Variants in NEGR1 observed in about 807,000 individuals in gnomAD.
The protein encoded by NEGR1 is IgLON family member 4.
NEGR1 carries 10 observed loss-of-function variants against 40.9 expected under a neutral mutation model. The ratio of observed to expected loss-of-function variants is 0.24; its 90% CI spans 0.15 to 0.42. The LOEUF (loss-of-function observed/expected upper bound fraction) is 0.42, where lower values mean the gene tolerates loss of function less well. Among genes scored for constraint, NEGR1 ranks in the 10% least tolerant of loss-of-function variants. The pLI, the probability that NEGR1 is intolerant of heterozygous loss-of-function variation, is 1.00. For missense variants in NEGR1, 352 were observed against 438.9 expected, an observed-to-expected ratio of 0.80 and a Z score of 1.77; for synonymous variants, 185 against 166.8, an observed-to-expected ratio of 1.11 and a Z score of -0.84.
intron 6 of NEGR1, among the ~76,000 whole-genome samples, chr1:71,447,204 C>T (rs1278211498): frequency 6.6e-6 from 1 of 152,156 alleles, no homozygotes; most frequent in African/African-American, 2.4e-5. Context: ...GAGCACTCGT[C>T]ATGAGCCTCT....
At chr1:71,580,224 G>T (rs1056241379) in intron 6 of NEGR1, among the ~76,000 whole-genome samples, 1 of 150,460 alleles carries the variant, frequency 6.6e-6, no homozygotes, top group Non-Finnish European at 1.5e-5. Flanking sequence ...ACCAAACACC[G>T]CATATTCTCA....
At chr1:71,531,808 A>C (rs1333828601) in intron 6 of NEGR1, among the ~76,000 whole-genome samples, 2 of 151,508 alleles carry the variant, frequency 1.3e-5, no homozygotes, top group Non-Finnish European at 3.0e-5. Flanking sequence ...TTCTTTAAAT[A>C]TATAATCATA....
At chr1:71,666,787 T>C (rs971602664) in intron 4 of NEGR1, among the ~76,000 whole-genome samples, 1 of 152,198 alleles carries the variant, frequency 6.6e-6, no homozygotes, top group African/African-American at 2.4e-5. Flanking sequence ...GATTTCATCA[T>C]ACTTTAAAGT....
intron 3 of NEGR1, among the ~76,000 whole-genome samples, chr1:71,755,958 A>G (rs1295673548): frequency 6.6e-6 from 1 of 152,208 alleles, no homozygotes; most frequent in Non-Finnish European, 1.5e-5. Flanking sequence ...TATTTTATTT[A>G]AGTAATCTAT....
intron 1 of NEGR1, among the ~76,000 whole-genome samples, chr1:71,946,639 C>A (rs1193833161): frequency 6.6e-6 from 1 of 152,036 alleles, no homozygotes; most frequent in African/African-American, 2.4e-5. Flanking sequence ...CCTAATTTTT[C>A]TTTAAAGCCT....
At chr1:72,062,415 T>C (rs1647193383) in intron 1 of NEGR1, among the ~76,000 whole-genome samples, 1 of 151,966 alleles carries the variant, frequency 6.6e-6, no homozygotes, top group Admixed American at 6.6e-5. Flanking sequence ...CCTTAGGTGC[T>C]ATATCTTGTA....
chr1:71,572,105 A>T (rs1018258421), intron 6 of NEGR1, among the ~76,000 whole-genome samples: 1 of 152,158 alleles, frequency 6.6e-6, no homozygotes, highest in African/African-American at 2.4e-5. Context: ...TTCTGGGTTT[A>T]AACGGGCTTT....
chr1:71,659,402 A>G (rs532791080), intron 4 of NEGR1, among the ~76,000 whole-genome samples: 1 of 152,106 alleles, frequency 6.6e-6, no homozygotes, highest in Non-Finnish European at 1.5e-5. Context: ...GCAATACCAT[A>G]CTGGACATAG....
chr1:71,654,055 C>T (rs1241247659), intron 4 of NEGR1, among the ~76,000 whole-genome samples: 2 of 152,130 alleles, frequency 1.3e-5, no homozygotes, highest in African/African-American at 4.8e-5. Flanking sequence ...GGGGAGGAAC[C>T]TTCAAGTCAT....
At chr1:71,626,257 A>G (rs1202682111) in intron 4 of NEGR1, among the ~76,000 whole-genome samples, 1 of 151,906 alleles carries the variant, frequency 6.6e-6, no homozygotes, top group Non-Finnish European at 1.5e-5. Context: ...CATGTGCACA[A>G]CATGCAGGTT....
Position 71,685,185 on chromosome 1 carries a change from T to A in NEGR1, c.667+12823A>T, listed in dbSNP as rs1160351979. On this transcript the variant is annotated intron_variant, in intron 4 of 6. Transcript: ENST00000357731. Reference sequence around the variant, plus strand: ...GTTTCAATTTTTATACTTCATGGATTTCTCTTCCCATTTGGCTACAAGTAA... The same window carrying A: ...GTTTCAATTTTTATACTTCATGGATATCTCTTCCCATTTGGCTACAAGTAA... Among the ~76,000 whole-genome samples, 4 of 152,192 alleles carry A rather than the reference T, an allele frequency of 2.6e-5. No individual in the cohort carries two copies. In the East Asian group the frequency reaches 7.7e-4, roughly 29 times the overall value.
In NEGR1 at chr1:71,406,200, G is replaced by A. The variant is rs139160967; in HGVS notation, c.*1246C>T. The A allele has an allele frequency of 1.1e-4, 16 of 151,844 alleles. No homozygotes were observed. The East Asian group carries it at 2.9e-3, about 28-fold the overall frequency. The allele number at this position is 151,844 out of a possible 1,614,324, so 9.4% of individuals were successfully genotyped here. A position where few individuals can be genotyped will look rare whatever the true frequency, so the allele number is the denominator to read the frequency against. On this transcript the variant is annotated 3_prime_UTR_variant, in exon 7 of 7. Transcript: ENST00000357731. ...GAAGAATTAGCTATTTTAGAGATTG[G>A]TCTGCTACATACCGATATAGAATGT...
intron 6 of NEGR1, among the ~76,000 whole-genome samples, chr1:71,589,546 T>C (rs997338711): frequency 6.6e-6 from 1 of 152,104 alleles, no homozygotes; most frequent in Non-Finnish European, 1.5e-5. Context: ...AATTTCTACC[T>C]CCTTTTAAAA....
chr1:71,604,497 G>A (rs2101535488), intron 5 of NEGR1, among the ~76,000 whole-genome samples: 1 of 152,190 alleles, frequency 6.6e-6, no homozygotes, highest in South Asian at 2.1e-4. Flanking sequence ...AGCTTGCTTA[G>A]ACAATCAGGT....
At chr1:71,852,579 G>A (rs897073723) in intron 2 of NEGR1, among the ~76,000 whole-genome samples, 1 of 152,032 alleles carries the variant, frequency 6.6e-6, no homozygotes, top group Non-Finnish European at 1.5e-5. Flanking sequence ...AGGAACTTGA[G>A]TGTGCAACAT....
chr1:72,134,947 G>C (rs886333428), intron 1 of NEGR1, among the ~76,000 whole-genome samples: 1 of 151,030 alleles, frequency 6.6e-6, no homozygotes, highest in African/African-American at 2.4e-5. Flanking sequence ...ATGTTGGTCA[G>C]GCTAGTCTTG....
rs192384654 is a variant in NEGR1 at position 71,769,252 on chromosome 1, C to A, written c.535+6920G>T. Among the ~76,000 whole-genome samples the A allele has an allele frequency of 2.1e-3, 312 of 151,744 alleles. 1 individual carries two copies. The highest frequency in any genetic ancestry group is 6.5e-3 in the African/African-American group (268 of 41,342). ...TTTATTTTTTCTTTATTTTTAAAAT[C>A]AGAAGCCTCATGTATACTTGTCGAT... On this transcript the variant is annotated intron_variant, in intron 3 of 6. Coordinates refer to ENST00000357731, the MANE Select transcript of NEGR1 (RefSeq NM_173808.3).
At chr1:71,942,632 G>T (rs1445501442) in intron 1 of NEGR1, among the ~76,000 whole-genome samples, 2 of 127,152 alleles carry the variant, frequency 1.6e-5, no homozygotes, top group Non-Finnish European at 3.4e-5. Context: ...CTCCCAAGTA[G>T]CTGGGACTAC....
intron 6 of NEGR1, among the ~76,000 whole-genome samples, chr1:71,425,651 C>CT (rs1248847874): frequency 6.6e-6 from 1 of 152,068 alleles, no homozygotes. Context: ...CCTCCACACA[C>CT]TTTTTTTAAT....
Sources: allele counts gnomAD v4.1 joint callset (sites outside exome capture counted in the v4.1 genomes callset), GRCh38; gene constraint gnomAD v4.1.1; transcripts MANE v1.5; gene names NCBI Gene and HGNC (gene_info 2026-07-23, HGNC 2026-07-21).